The following NAALADL2 variants were observed in gnomAD, a reference collection of about 807,000 sequenced individuals.
The protein encoded by NAALADL2 is inactive N-acetylated-alpha-linked acidic dipeptidase-like protein 2.
In NAALADL2, 76 loss-of-function variants were observed where a neutral mutation model predicts 87.2. The observed-to-expected ratio is 0.87, with a 90% CI of 0.72 to 1.05. The LOEUF (loss-of-function observed/expected upper bound fraction) is 1.05. Among genes scored for constraint, NAALADL2 ranks in the 50% least tolerant of loss-of-function variants. NAALADL2 has a pLI of 0.00. For missense variants in NAALADL2, 1,089 were observed against 945.8 expected (o/e 1.15, Z -1.99); for synonymous variants, 354 against 331.0 (o/e 1.07, Z -0.75).
intron 1 of NAALADL2, among the ~76,000 whole-genome samples, chr3:174,975,245 G>C (rs1263042671): frequency 6.6e-6 from 1 of 152,036 alleles, no homozygotes; most frequent in East Asian, 1.9e-4. Flanking sequence ...CATTCCCTTG[G>C]CTATATTAGA....
At chr3:175,063,859 G>C (rs943339038) in intron 1 of NAALADL2, among the ~76,000 whole-genome samples, 1 of 151,946 alleles carries the variant, frequency 6.6e-6, no homozygotes, top group Non-Finnish European at 1.5e-5. Flanking sequence ...TCTATATTAG[G>C]CAACTACATC....
intron 1 of NAALADL2, among the ~76,000 whole-genome samples, chr3:174,958,833 A>G (rs1309279401): frequency 6.6e-6 from 1 of 152,084 alleles, no homozygotes; most frequent in Non-Finnish European, 1.5e-5. Flanking sequence ...GTCATAAGAA[A>G]TTTAATTATA....
At chr3:175,351,339 T>G (rs1477465536) in intron 5 of NAALADL2, among the ~76,000 whole-genome samples, 1 of 152,094 alleles carries the variant, frequency 6.6e-6, no homozygotes, top group African/African-American at 2.4e-5. Context: ...AAATCTGATG[T>G]GCATATATAT....
At chr3:174,557,502 T>C (rs552181958) in intron 2 of NAALADL2, among the ~76,000 whole-genome samples, 1 of 152,338 alleles carries the variant, frequency 6.6e-6, no homozygotes, top group South Asian at 2.1e-4. Flanking sequence ...TTGAATTCTT[T>C]TTTTGCAATG....
intron 9 of NAALADL2, among the ~76,000 whole-genome samples, chr3:175,497,502 A>G (rs1015299718): frequency 6.6e-6 from 1 of 152,186 alleles, no homozygotes. Context: ...ATTTCAATTT[A>G]TACCCCTTTT....
intron 2 of NAALADL2, among the ~76,000 whole-genome samples, chr3:174,721,217 T>G (rs1264540544): frequency 6.6e-6 from 1 of 152,228 alleles, no homozygotes; most frequent in Non-Finnish European, 1.5e-5. Flanking sequence ...GTATTTAATA[T>G]TAAGAGCTGT....
intron 1 of NAALADL2, among the ~76,000 whole-genome samples, chr3:174,875,585 C>T (rs1050668807): frequency 6.6e-6 from 1 of 152,002 alleles, no homozygotes; most frequent in African/African-American, 2.4e-5. Flanking sequence ...TTGTGTAATT[C>T]ACTTTACATC....
chr3:174,816,283 G>A (rs2109313125), intron 3 of NAALADL2, among the ~76,000 whole-genome samples: 1 of 151,014 alleles, frequency 6.6e-6, no homozygotes, highest in East Asian at 2.0e-4. Context: ...CAGAGAGAGA[G>A]AACAGATAGT....
chr3:175,438,412 T>A (rs1376123114), intron 5 of NAALADL2, among the ~76,000 whole-genome samples: 1 of 152,124 alleles, frequency 6.6e-6, no homozygotes, highest in African/African-American at 2.4e-5. Context: ...AAAAAACATT[T>A]GTGCCAGTTA....
intron 11 of NAALADL2, among the ~76,000 whole-genome samples, chr3:175,696,531 T>A (rs1162263689): frequency 6.6e-6 from 1 of 152,044 alleles, no homozygotes; most frequent in Non-Finnish European, 1.5e-5. Context: ...GCAAACACTT[T>A]TTTTTCATGG....
At chr3:175,118,360 G>A (rs1357915819) in intron 2 of NAALADL2, among the ~76,000 whole-genome samples, 4 of 151,660 alleles carry the variant, frequency 2.6e-5, no homozygotes, top group Non-Finnish European at 5.9e-5. Context: ...CCTGATTGTT[G>A]TGTATCAATA....
At chr3:175,254,269 C>T (rs1749551130) in intron 3 of NAALADL2, among the ~76,000 whole-genome samples, 1 of 152,150 alleles carries the variant, frequency 6.6e-6, no homozygotes, top group Non-Finnish European at 1.5e-5. Flanking sequence ...TTAGCAGCCA[C>T]TAACATTGAG....
At chr3:174,882,771 GTATATATA>G (rs1560319456) in intron 1 of NAALADL2, among the ~76,000 whole-genome samples, 6 of 131,500 alleles carry the variant, frequency 4.6e-5, no homozygotes, top group Admixed American at 8.4e-5. Context: ...ATACACACGT[GTATATATA>G]CATATGTGTA....
chr3:175,657,068 A>G (rs575342118), intron 11 of NAALADL2, among the ~76,000 whole-genome samples: 2 of 152,314 alleles, frequency 1.3e-5, no homozygotes, highest in East Asian at 3.9e-4. Context: ...TGGTTAAGTA[A>G]TTTTGTTCAG....
At chr3:175,338,423 A>G (rs534131364) in intron 5 of NAALADL2, among the ~76,000 whole-genome samples, 2 of 151,996 alleles carry the variant, frequency 1.3e-5, no homozygotes, top group South Asian at 4.1e-4. Flanking sequence ...CAAGATTTGC[A>G]TGAGAATAAG....
chr3:174,685,409 A>C (rs1183801381), intron 2 of NAALADL2, among the ~76,000 whole-genome samples: 1 of 152,104 alleles, frequency 6.6e-6, no homozygotes, highest in Non-Finnish European at 1.5e-5. Flanking sequence ...AATTCTTACC[A>C]CCAACTGCTG....
At chr3:175,612,962 C>G (rs970657523) in intron 10 of NAALADL2, among the ~76,000 whole-genome samples, 6 of 152,168 alleles carry the variant, frequency 3.9e-5, no homozygotes, top group African/African-American at 1.4e-4. Flanking sequence ...CCAGGGATAG[C>G]CGGGATCCAC....
intron 13 of NAALADL2, among the ~76,000 whole-genome samples, chr3:175,772,720 A>T (rs904991320): frequency 2.0e-5 from 3 of 152,092 alleles, no homozygotes; most frequent in Non-Finnish European, 2.9e-5. Context: ...CTGAGTTTCA[A>T]CTTCACAGGA....
chr3:174,897,672 A>T (rs1731719256), intron 1 of NAALADL2, among the ~76,000 whole-genome samples: 1 of 152,148 alleles, frequency 6.6e-6, no homozygotes, highest in Non-Finnish European at 1.5e-5. Flanking sequence ...CTGGGTATAT[A>T]CCCAAAATAA....
Sources: gnomAD v4.1 joint callset for allele counts (sites outside exome capture counted in the v4.1 genomes callset) on GRCh38, gnomAD v4.1.1 for gene constraint, MANE v1.5 for transcripts, NCBI Gene and HGNC (gene_info 2026-07-23, HGNC 2026-07-21) for gene names.